Variants in CADM2 observed in about 807,000 individuals in gnomAD.
CADM2 encodes the protein immunoglobulin superfamily member 4D.
A neutral mutation model predicts 49.8 loss-of-function variants in CADM2; 12 were observed. That is an observed-to-expected ratio of 0.24 (90% CI 0.15 to 0.39). The LOEUF is 0.39. Ranked by LOEUF, CADM2 falls within the 10% of genes least tolerant of loss-of-function variation. The pLI, the probability that CADM2 is intolerant of heterozygous loss-of-function variation, is 1.00. For synonymous variants in CADM2, 214 were observed against 175.4 expected (o/e 1.22, Z -1.74); for missense variants, 378 against 492.3 (o/e 0.77, Z 2.20).
In CADM2 at chr3:85,543,420, A is replaced by ATGTGTGTGTGTGTGTGTGTGTG. The variant is rs34654299; in HGVS notation, c.62-183086_62-183065dup. On this transcript the variant is annotated intron_variant, in intron 1 of 9. Coordinates refer to ENST00000383699, the MANE Select transcript of CADM2 (RefSeq NM_001167675.2). Reference sequence around the variant, plus strand: ...CAGGCACCGCCACCATGCCAAGCTAATGTGTGTGTGTGTGTGTGTGTGTGT... The same window carrying ATGTGTGTGTGTGTGTGTGTGTG: ...CAGGCACCGCCACCATGCCAAGCTAATGTGTGTGTGTGTGTGTGTGTGTGTGTGTGTGTGTGTGTGTGTGTGT... Among the ~76,000 whole-genome samples, 17 of 129,642 alleles carry ATGTGTGTGTGTGTGTGTGTGTG rather than the reference A, an allele frequency of 1.3e-4. No homozygotes were observed. The East Asian group carries it at 4.2e-3, about 32-fold the overall frequency. 85.1% of individuals were successfully genotyped at this position (129,642 alleles called of 152,430 possible). A position where few individuals can be genotyped will look rare whatever the true frequency, so the allele number is the denominator to read the frequency against.
intron 1 of CADM2, among the ~76,000 whole-genome samples, chr3:85,609,578 G>A (rs1464843781): frequency 1.3e-5 from 2 of 152,054 alleles, no homozygotes; most frequent in Non-Finnish European, 2.9e-5. Context: ...GAATTAAAAA[G>A]CCTTCAGTAT....
At chr3:85,227,720 C>A (rs2042193883) in intron 1 of CADM2, among the ~76,000 whole-genome samples, 1 of 151,990 alleles carries the variant, frequency 6.6e-6, no homozygotes, top group African/African-American at 2.4e-5. Flanking sequence ...GATGTAGTTT[C>A]TTCATAGTGT....
chr3:85,427,744 T>G (rs1296858789), intron 1 of CADM2, among the ~76,000 whole-genome samples: 2 of 152,234 alleles, frequency 1.3e-5, no homozygotes, highest in African/African-American at 4.8e-5. Flanking sequence ...AAAACTTCTG[T>G]CATCATTTTG....
chr3:85,788,805 C>T (rs1268879075), intron 2 of CADM2, among the ~76,000 whole-genome samples: 1 of 151,760 alleles, frequency 6.6e-6, no homozygotes, highest in African/African-American at 2.4e-5. Flanking sequence ...TCTATATTCA[C>T]ATATTTGAAA....
At chr3:85,986,878 G>T (rs992605293) in intron 8 of CADM2, among the ~76,000 whole-genome samples, 5 of 151,988 alleles carry the variant, frequency 3.3e-5, no homozygotes, top group Non-Finnish European at 5.9e-5. Context: ...ATACTGGCTT[G>T]GGGGTCCAGG....
At chr3:85,794,545 G>T (rs1445949674) in intron 2 of CADM2, among the ~76,000 whole-genome samples, 1 of 152,100 alleles carries the variant, frequency 6.6e-6, no homozygotes, top group East Asian at 1.9e-4. Flanking sequence ...AATGTAACTT[G>T]CTTGGAAAAG....
intron 3 of CADM2, among the ~76,000 whole-genome samples, chr3:85,857,063 A>AT (rs2075343973): frequency 6.6e-6 from 1 of 152,146 alleles, no homozygotes; most frequent in Admixed American, 6.5e-5. Flanking sequence ...GGTTCTAGTG[A>AT]TGTTCTCTTT....
At chr3:85,213,884 G>A (rs2041862592) in intron 1 of CADM2, among the ~76,000 whole-genome samples, 1 of 151,938 alleles carries the variant, frequency 6.6e-6, no homozygotes, top group Admixed American at 6.6e-5. Context: ...TATGTCACTT[G>A]CATGTTCAAC....
chr3:84,993,293 A>C (rs541272447), intron 1 of CADM2, among the ~76,000 whole-genome samples: 69 of 152,278 alleles, frequency 4.5e-4, no homozygotes, highest in African/African-American at 1.6e-3. Context: ...CAGTGACAAA[A>C]GGGATTTAGC....
chr3:85,783,833 A>G (rs1345922467), intron 2 of CADM2, among the ~76,000 whole-genome samples: 3 of 152,170 alleles, frequency 2.0e-5, no homozygotes, highest in African/African-American at 7.2e-5. Context: ...TTGACCCTCA[A>G]ACTTGAGAAG....
chr3:85,597,925 C>G (rs1458527349), intron 1 of CADM2, among the ~76,000 whole-genome samples: 1 of 151,932 alleles, frequency 6.6e-6, no homozygotes, highest in African/African-American at 2.4e-5. Context: ...TAAATGCTGA[C>G]CAACTCTAAA....
chr3:85,765,317 G>A (rs2069602214), intron 2 of CADM2, among the ~76,000 whole-genome samples: 2 of 151,958 alleles, frequency 1.3e-5, no homozygotes, highest in Admixed American at 1.3e-4. Flanking sequence ...TAAACCTTTC[G>A]AACTCCTGCT....
At chr3:86,047,121 C>T (rs995851788) in intron 8 of CADM2, among the ~76,000 whole-genome samples, 44 of 151,936 alleles carry the variant, frequency 2.9e-4, no homozygotes, top group African/African-American at 7.7e-4. Flanking sequence ...TGTTTGAGCA[C>T]GATTGTCGTT....
chr3:85,797,076 G>C (rs1354550861), intron 2 of CADM2, among the ~76,000 whole-genome samples: 1 of 139,662 alleles, frequency 7.2e-6, no homozygotes, highest in African/African-American at 2.7e-5. Context: ...CCTGGCAAGA[G>C]AGCAAGAATC....
chr3:85,771,851 A>G (rs1235540021), intron 2 of CADM2, among the ~76,000 whole-genome samples: 4 of 152,086 alleles, frequency 2.6e-5, no homozygotes, highest in Non-Finnish European at 5.9e-5. Flanking sequence ...CTCTTTCCCA[A>G]AAGTGTTTTC....
intron 1 of CADM2, among the ~76,000 whole-genome samples, chr3:85,444,233 C>T (rs1420307986): frequency 6.6e-6 from 1 of 152,126 alleles, no homozygotes; most frequent in African/African-American, 2.4e-5. Flanking sequence ...CTTGCCCACC[C>T]TAAATCTATG....
chr3:85,974,652 G>C (rs938030755), intron 8 of CADM2, among the ~76,000 whole-genome samples: 16 of 151,580 alleles, frequency 1.1e-4, no homozygotes, highest in African/African-American at 3.6e-4. Context: ...CAAATGCGTT[G>C]TTTTAGCTGA....
chr3:85,165,099 T>G (rs1021082859), intron 1 of CADM2, among the ~76,000 whole-genome samples: 1 of 151,808 alleles, frequency 6.6e-6, no homozygotes, highest in Non-Finnish European at 1.5e-5. Context: ...TTTAAGTTAA[T>G]TTTTGGTATT....
At chr3:85,615,595 C>G (rs2063782113) in intron 1 of CADM2, among the ~76,000 whole-genome samples, 1 of 151,440 alleles carries the variant, frequency 6.6e-6, no homozygotes, top group Non-Finnish European at 1.5e-5. Context: ...TTTCATTTGT[C>G]TTTCTTTCCT....
Sources: gnomAD v4.1 joint callset for allele counts (sites outside exome capture counted in the v4.1 genomes callset) on GRCh38, gnomAD v4.1.1 for gene constraint, MANE v1.5 for transcripts, NCBI Gene and HGNC (gene_info 2026-07-23, HGNC 2026-07-21) for gene names.